Variants in RFC3 observed in about 807,000 individuals in gnomAD.
RFC3 encodes the protein replication factor C subunit 3.
Under a neutral mutation model 45.1 loss-of-function variants are expected in RFC3, and 41 were observed. The observed-to-expected ratio is 0.91, with a 90% confidence interval of 0.71 to 1.18. RFC3 has a LOEUF of 1.18. Among genes scored for constraint, RFC3 ranks in the 50% most tolerant of loss-of-function variants. The pLI is 0.00. For synonymous variants in RFC3, 149 were observed against 144.0 expected, an observed-to-expected ratio of 1.03 and a Z score of -0.25; for missense variants, 423 against 428.1, an observed-to-expected ratio of 0.99 and a Z score of 0.10.
intron 8 of RFC3, among the ~76,000 whole-genome samples, chr13:33,860,773 C>A (rs529283817): frequency 6.6e-6 from 1 of 152,156 alleles, no homozygotes; most frequent in Non-Finnish European, 1.5e-5. Context: ...CGCCAATTAA[C>A]GTCCCTTTAA....
In RFC3 at chr13:33,895,925, T is replaced by A. The variant is rs371619200; in HGVS notation, c.879+60708T>A. Among the ~76,000 whole-genome samples, 3 of 152,076 alleles carry A rather than the reference T, an allele frequency of 2.0e-5. No homozygotes were observed. In the South Asian group the frequency reaches 6.2e-4, roughly 32 times the overall value. On this transcript the variant is annotated intron_variant, in intron 8 of 8. Transcript: ENST00000434425. ...CTCAGGAATGGAAAACCAAATACCATATAATCTCACTTATAATTTGGAACT... is the reference window on the plus strand; with the variant it reads ...CTCAGGAATGGAAAACCAAATACCAAATAATCTCACTTATAATTTGGAACT...
intron 1 of RFC3, 24 bp from the exon 2 acceptor site, chr13:33,821,108 A>G (rs747065230): frequency 6.2e-7 from 1 of 1,612,784 alleles, no homozygotes; most frequent in Non-Finnish European, 8.5e-7. Context: ...GACTAGGGAA[A>G]AATGCCTTGT....
chr13:33,859,142 A>C (rs916079808), intron 8 of RFC3, among the ~76,000 whole-genome samples: 8 of 152,182 alleles, frequency 5.3e-5, no homozygotes, highest in African/African-American at 1.9e-4. Context: ...CAGGCTTTTG[A>C]GACTCAAAAA....
intron 8 of RFC3, among the ~76,000 whole-genome samples, chr13:33,895,512 A>C: frequency 6.6e-6 from 1 of 152,218 alleles, no homozygotes; most frequent in East Asian, 1.9e-4. Flanking sequence ...GGATGTGGTA[A>C]AAAGGGAACG....
In RFC3 at chr13:33,929,146, C is replaced by G. The variant is rs1323036010; in HGVS notation, c.880-36941C>G. Among the ~76,000 whole-genome samples the G allele has an allele frequency of 2.6e-5, 4 of 152,082 alleles. No homozygotes were observed. In the East Asian group the frequency reaches 7.7e-4, roughly 29 times the overall value. ...TTACCTTTTTGATACTGTAAATTTA[C>G]CACGAAAGGTAAAGGAAGTCTGACA... On this transcript the variant is annotated intron_variant, in intron 8 of 8. Coordinates refer to the RFC3 transcript ENST00000434425.
intron 8 of RFC3, among the ~76,000 whole-genome samples, chr13:33,858,713 C>G (rs867178116): frequency 6.6e-6 from 1 of 151,878 alleles, no homozygotes; most frequent in African/African-American, 2.4e-5. Flanking sequence ...TTTTTTTTAT[C>G]GAGAAAAAGT....
chr13:33,966,118 T>C (rs2083086462), exon 9 of RFC3: 1 of 1,610,564 alleles, frequency 6.2e-7, no homozygotes, highest in Non-Finnish European at 8.5e-7. Context: ...AGCTGTGACA[T>C]ATTCTGAGGA....
intron 8 of RFC3, among the ~76,000 whole-genome samples, chr13:33,944,350 T>C (rs1296997622): frequency 6.6e-6 from 1 of 152,218 alleles, no homozygotes; most frequent in Non-Finnish European, 1.5e-5. Flanking sequence ...AAGTAACAAT[T>C]CCTTCCAACG....
intron 8 of RFC3, among the ~76,000 whole-genome samples, chr13:33,939,942 C>T (rs1180468312): frequency 6.6e-6 from 1 of 152,050 alleles, no homozygotes; most frequent in Non-Finnish European, 1.5e-5. Flanking sequence ...CTGTTATCAG[C>T]AATTTATGTT....
At chr13:33,858,241 G>A (rs1054752378) in intron 8 of RFC3, among the ~76,000 whole-genome samples, 4 of 152,118 alleles carry the variant, frequency 2.6e-5, no homozygotes, top group Non-Finnish European at 2.9e-5. Flanking sequence ...TAGCTTCACA[G>A]TCTTCTGTTT....
chr13:33,910,932 GA>G (rs956841614), intron 8 of RFC3, among the ~76,000 whole-genome samples: 2 of 151,804 alleles, frequency 1.3e-5, no homozygotes, highest in Admixed American at 1.3e-4. Flanking sequence ...GATCTCATGA[GA>G]ACCCTTTCAT....
chr13:33,923,045 G>C (rs1308916389), intron 8 of RFC3, among the ~76,000 whole-genome samples: 1 of 152,046 alleles, frequency 6.6e-6, no homozygotes, highest in Admixed American at 6.6e-5. Context: ...GAACACATTA[G>C]GAAAAGTAGA....
chr13:33,898,427 T>A (rs2137658522), intron 8 of RFC3, among the ~76,000 whole-genome samples: 1 of 151,874 alleles, frequency 6.6e-6, no homozygotes, highest in South Asian at 2.1e-4. Flanking sequence ...ATAAAGAAAT[T>A]AAGAAGGAAA....
At chr13:33,893,299 A>G (rs1471382847) in intron 8 of RFC3, among the ~76,000 whole-genome samples, 1 of 152,132 alleles carries the variant, frequency 6.6e-6, no homozygotes, top group Non-Finnish European at 1.5e-5. Flanking sequence ...TATTTACTAG[A>G]ACCTAGGTGA....
At chr13:33,971,566 G>A in the RFC3 span, among the ~76,000 whole-genome samples, 2 of 152,308 alleles carry the variant, frequency 1.3e-5, no homozygotes, top group African/African-American at 4.8e-5. Flanking sequence ...TATGGCATAA[G>A]AGCAGCCATA....
intron 8 of RFC3, among the ~76,000 whole-genome samples, chr13:33,902,967 A>T (rs141549299): frequency 3.4e-4 from 52 of 152,142 alleles, no homozygotes; most frequent in African/African-American, 1.1e-3. Flanking sequence ...AAATTTATGA[A>T]TTTGTCTTAG....
chr13:33,849,626 T>TA (rs1336216439), intron 8 of RFC3: 1 of 152,052 alleles, frequency 6.6e-6, no homozygotes, highest in African/African-American at 2.4e-5. Flanking sequence ...CTCATGCCTG[T>TA]AATCCCAAAG....
intron 8 of RFC3, among the ~76,000 whole-genome samples, chr13:33,872,532 G>A (rs898251931): frequency 2.6e-5 from 4 of 152,116 alleles, no homozygotes; most frequent in Non-Finnish European, 2.9e-5. Flanking sequence ...TCGGGAGTTC[G>A]AGACCAGCCT....
chr13:33,948,594 A>G (rs2082969121), intron 8 of RFC3, among the ~76,000 whole-genome samples: 1 of 152,220 alleles, frequency 6.6e-6, no homozygotes. Flanking sequence ...GAAAAGCCTC[A>G]GACACTCAAT....
Sources: allele counts gnomAD v4.1 joint callset (sites outside exome capture counted in the v4.1 genomes callset), GRCh38; gene constraint gnomAD v4.1.1; transcripts MANE v1.5; gene names NCBI Gene and HGNC (gene_info 2026-07-23, HGNC 2026-07-21).